The following PARVA variants were observed in gnomAD, a reference collection of about 807,000 sequenced individuals.
The protein encoded by PARVA is parvin alpha, also known as alpha-parvin.
PARVA carries 25 observed loss-of-function variants against 52.6 expected under a neutral mutation model. The ratio of observed to expected loss-of-function variants is 0.48; its 90% CI spans 0.35 to 0.66. The LOEUF is 0.66. PARVA is among the 30% of genes least tolerant of loss of function. The pLI, the probability that PARVA is intolerant of heterozygous loss-of-function variation, is 0.01. For missense variants in PARVA, 373 were observed against 450.9 expected, an observed-to-expected ratio of 0.83 and a Z score of 1.56; for synonymous variants, 185 against 179.1, an observed-to-expected ratio of 1.03 and a Z score of -0.26.
intron 1 of PARVA, among the ~76,000 whole-genome samples, chr11:12,411,745 G>T (rs1475400060): frequency 2.0e-5 from 3 of 152,132 alleles, no homozygotes; most frequent in African/African-American, 7.2e-5. Context: ...CTTGGTCTCA[G>T]CATCCATGAA....
At chr11:12,522,052 A>G (rs554121897) in intron 12 of PARVA, among the ~76,000 whole-genome samples, 47 of 152,298 alleles carry the variant, frequency 3.1e-4, no homozygotes, top group Middle Eastern at 6.8e-3. Flanking sequence ...AATGTGTGCT[A>G]ATTTACTACA....
intron 1 of PARVA, among the ~76,000 whole-genome samples, chr11:12,414,048 C>T (rs1450321925): frequency 3.3e-5 from 5 of 152,174 alleles, no homozygotes; most frequent in South Asian, 2.1e-4. Flanking sequence ...CAGGGCCACA[C>T]GGCAGCCGTG....
At chr11:12,450,534 G>T (rs753016157) in intron 1 of PARVA, among the ~76,000 whole-genome samples, 2 of 152,152 alleles carry the variant, frequency 1.3e-5, no homozygotes, top group Admixed American at 1.3e-4. Context: ...TATTAGTCAG[G>T]GTTCTCTAGA....
At chr11:12,419,739 C>T (rs894654136) in intron 1 of PARVA, among the ~76,000 whole-genome samples, 2 of 152,138 alleles carry the variant, frequency 1.3e-5, no homozygotes, top group Admixed American at 6.5e-5. Context: ...CAGCAGGGCA[C>T]AAGGGTTCCA....
chr11:12,522,180 TC>T (rs1351346898), intron 12 of PARVA, among the ~76,000 whole-genome samples: 3 of 152,154 alleles, frequency 2.0e-5, no homozygotes, highest in African/African-American at 7.2e-5. Flanking sequence ...GGAGTGTACA[TC>T]CCAGTAGACT....
chr11:12,392,988 G>C (rs1939681401), intron 1 of PARVA, among the ~76,000 whole-genome samples: 1 of 128,008 alleles, frequency 7.8e-6, no homozygotes, highest in Admixed American at 8.1e-5. Context: ...TACATCACTG[G>C]CTTTTATTAT....
chr11:12,439,032 G>C (rs1940426066), intron 1 of PARVA, among the ~76,000 whole-genome samples: 2 of 152,220 alleles, frequency 1.3e-5, no homozygotes, highest in African/African-American at 4.8e-5. Context: ...GTCTTCAGAA[G>C]GGCCTAATGA....
intron 1 of PARVA, among the ~76,000 whole-genome samples, chr11:12,459,487 C>T (rs143888381): frequency 4.6e-4 from 70 of 152,128 alleles, no homozygotes; most frequent in African/African-American, 1.5e-3. Flanking sequence ...GAACTGTGCA[C>T]GAGTTCCCAG....
At chr11:12,504,482 G>A (rs1449178268) in intron 6 of PARVA, 53 bp downstream of exon 6, 20 of 1,121,422 alleles carry the variant, frequency 1.8e-5, no homozygotes, top group African/African-American at 1.4e-4. Flanking sequence ...CGTGGAGGTC[G>A]AGTTCCTATG....
At chr11:12,500,982 C>T (rs543495265) in intron 5 of PARVA, among the ~76,000 whole-genome samples, 23 of 151,862 alleles carry the variant, frequency 1.5e-4, no homozygotes, top group Non-Finnish European at 3.2e-4. Context: ...GTGGCATGCA[C>T]CTATAATCCC....
intron 3 of PARVA, 141 bp from the exon 4 acceptor site, chr11:12,477,706 G>GA: frequency 5.0e-6 from 3 of 596,434 alleles, no homozygotes; most frequent in Non-Finnish European, 9.0e-6. Context: ...AACATAGTGA[G>GA]ACCCCATCTC....
At chr11:12,378,755 G>A (rs1323924976) in intron 1 of PARVA, among the ~76,000 whole-genome samples, 2 of 152,036 alleles carry the variant, frequency 1.3e-5, no homozygotes, top group Admixed American at 6.6e-5. Flanking sequence ...ACATTTTTTA[G>A]TTGATGCATG....
intron 1 of PARVA, among the ~76,000 whole-genome samples, chr11:12,460,935 C>T (rs1182782353): frequency 2.0e-5 from 3 of 152,202 alleles, no homozygotes; most frequent in South Asian, 2.1e-4. Context: ...ATTGCTGCCT[C>T]AACCCTGGAA....
Position 12,527,982 on chromosome 11 carries a change from C to G in PARVA, c.*57C>G. The G allele has an allele frequency of 8.4e-7, 1 of 1,188,886 alleles. No homozygotes were observed. Among genetic ancestry groups the G allele is most frequent in the South Asian group, 1.2e-5 (1 of 82,658 alleles). The allele number at this position is 1,188,886 out of a possible 1,614,324, so 73.6% of individuals were successfully genotyped here. A position where few individuals can be genotyped will look rare whatever the true frequency, so the allele number is the denominator to read the frequency against. The stretch of plus-strand genomic sequence containing the variant: ...GTTCTTGCTGTTGGCGTACTGGACC[C>G]TCCTCCGAACTGCCTTACCCTGCTT... On this transcript the variant is annotated 3_prime_UTR_variant, in exon 13 of 13. Coordinates refer to ENST00000334956, the MANE Select transcript of PARVA (RefSeq NM_018222.5).
chr11:12,530,518 G>T lies in PARVA; in HGVS notation c.*2593G>T, dbSNP rs117217949. ...ATACATGGTGCAAAATTTAAAAAGC[G>T]CAAATAGGTATCTAGTGGAAAACCT... On this transcript the variant is annotated 3_prime_UTR_variant, in exon 13 of 13. Transcript: ENST00000334956. 6.6e-6 allele frequency: 1 copy of T among 152,036 alleles called. No individual in the cohort carries two copies. The highest frequency in any genetic ancestry group is 2.4e-5 in the African/African-American group (1 of 41,388). 9.4% of individuals were successfully genotyped at this position (152,036 alleles called of 1,614,324 possible). A position where few individuals can be genotyped will look rare whatever the true frequency, so the allele number is the denominator to read the frequency against.
At chr11:12,525,125 G>A (rs1331185588) in intron 12 of PARVA, among the ~76,000 whole-genome samples, 2 of 152,230 alleles carry the variant, frequency 1.3e-5, no homozygotes, top group Non-Finnish European at 2.9e-5. Context: ...TAGTGAGGGA[G>A]GCAGTGTGGT....
At chr11:12,479,203 C>T (rs563992109) in intron 4 of PARVA, 7 of 152,356 alleles carry the variant, frequency 4.6e-5, no homozygotes, top group African/African-American at 1.4e-4. Flanking sequence ...CTGCCTTCCT[C>T]CTTTACCCAC....
rs1374122018 is a variant in PARVA at position 12,477,861 on chromosome 11, G to T, written c.312G>T (p.Trp104Cys). 2 of 1,580,950 alleles carry T rather than the reference G, an allele frequency of 1.3e-6. No individual in the cohort carries two copies. Among genetic ancestry groups the T allele is most frequent in the African/African-American group, 2.7e-5 (2 of 74,272 alleles). ...LQELMKVLID[W>C]INDVLVGERI... ...TCTCTCTGTAGGTATTAATTGACTG[G>T]ATTAATGATGTGTTGGTTGGAGAAA... Residue 104 changes from tryptophan (W) to cysteine (C), a missense_variant, in exon 4 of 13, where the codon TGG (tryptophan) becomes TGT (cysteine). Transcript: ENST00000334956.
At chr11:12,518,281 T>G (rs2135083726) in intron 11 of PARVA, among the ~76,000 whole-genome samples, 164 bp from the exon 12 acceptor site, 1 of 152,296 alleles carries the variant, frequency 6.6e-6, no homozygotes, top group Non-Finnish European at 1.5e-5. Flanking sequence ...ATCAGCTAGC[T>G]CACGCTCCAG....
Sources: gnomAD v4.1 joint callset for allele counts (sites outside exome capture counted in the v4.1 genomes callset) on GRCh38, gnomAD v4.1.1 for gene constraint, MANE v1.5 for transcripts, NCBI Gene and HGNC (gene_info 2026-07-23, HGNC 2026-07-21) for gene names.